The following RIMS1 variants were observed in gnomAD, a reference collection of about 807,000 sequenced individuals.
RIMS1 encodes the protein regulating synaptic membrane exocytosis 1, also known as regulating synaptic membrane exocytosis protein 1.
A neutral mutation model predicts 214.1 loss-of-function variants in RIMS1; 83 were observed. That is an observed-to-expected ratio of 0.39 (90% confidence interval 0.32 to 0.47). The LOEUF is 0.47. Among genes scored for constraint, RIMS1 ranks in the 20% least tolerant of loss-of-function variants. The probability of loss-of-function intolerance (pLI) is 0.99; values close to 1 mark genes in which losing one functional copy is unlikely to be tolerated. For synonymous variants in RIMS1, 793 were observed against 786.8 expected (o/e 1.01, Z -0.13); for missense variants, 2,050 against 2,161.8 (o/e 0.95, Z 1.03).
At chr6:72,291,578 A>G (rs2093395365) in intron 25 of RIMS1, among the ~76,000 whole-genome samples, 1 of 152,174 alleles carries the variant, frequency 6.6e-6, no homozygotes, top group Admixed American at 6.5e-5. Flanking sequence ...TCATTTATCC[A>G]TATTGTTAAG....
At position 72,301,698 on chromosome 6, in the gene RIMS1, A is replaced by G. The variant is rs903680391; in HGVS notation, c.3851-5560A>G. Among the ~76,000 whole-genome samples, 4 of 151,776 alleles carry G rather than the reference A, an allele frequency of 2.6e-5. No homozygotes were observed. In the South Asian group the frequency reaches 6.2e-4, roughly 24 times the overall value. On this transcript the variant is annotated intron_variant, in intron 26 of 33. Coordinates refer to ENST00000521978, the MANE Select transcript of RIMS1 (RefSeq NM_014989.7). ...TGACATTTTCCTTGTATTAGCTCTT[A>G]TAAGTAACCTAGAGATGAAAGTATA...
At chr6:72,169,751 CA>C (rs539535528) in intron 4 of RIMS1, among the ~76,000 whole-genome samples, 4 of 151,876 alleles carry the variant, frequency 2.6e-5, no homozygotes, top group African/African-American at 9.7e-5. Flanking sequence ...CAAAAAAACA[CA>C]AAAAAACAAA....
At chr6:72,051,435 G>T (rs1824633658) in intron 2 of RIMS1, among the ~76,000 whole-genome samples, 1 of 152,160 alleles carries the variant, frequency 6.6e-6, no homozygotes. Flanking sequence ...TGTCTTGTCT[G>T]TCCAAGGTCA....
intron 4 of RIMS1, among the ~76,000 whole-genome samples, chr6:72,169,168 C>G (rs568846939): frequency 1.3e-5 from 2 of 152,034 alleles, no homozygotes; most frequent in African/African-American, 4.8e-5. Context: ...GCAAGGTATT[C>G]TTTTTGGGTA....
intron 1 of RIMS1, among the ~76,000 whole-genome samples, chr6:71,936,339 A>AAG (rs1784448487): frequency 6.7e-6 from 1 of 150,246 alleles, no homozygotes; most frequent in Non-Finnish European, 1.5e-5. Context: ...AAAAAAAAAA[A>AAG]AAAAAAAAAA....
At chr6:72,216,086 C>T (rs79450703) in intron 6 of RIMS1, among the ~76,000 whole-genome samples, 1,695 of 152,222 alleles carry the variant, frequency 0.011, 10 homozygotes, top group Non-Finnish European at 0.017. Context: ...TTATTCATTG[C>T]TGTTTCTGGG....
Position 71,963,660 on chromosome 6 carries a change from T to G in RIMS1, c.165-5323T>G, listed in dbSNP as rs545747894. Among the ~76,000 whole-genome samples the G allele has an allele frequency of 1.3e-3, 201 of 152,320 alleles. 1 individual carries two copies. Among genetic ancestry groups the G allele is most frequent in the African/African-American group, 4.5e-3 (187 of 41,570 alleles). ...CATATTCTGTGAAATACTCTTTTTC[T>G]TGTGCAGAAAGAGAGTGAACGTTAC... On this transcript the variant is annotated intron_variant, in intron 1 of 33. Transcript: ENST00000521978.
intron 29 of RIMS1, among the ~76,000 whole-genome samples, chr6:72,339,751 G>T (rs1317594677): frequency 1.3e-5 from 2 of 152,154 alleles, no homozygotes; most frequent in East Asian, 1.9e-4. Context: ...ACGTACGTGT[G>T]CATGTGTCTT....
chr6:72,269,796 A>G (rs2082164853), intron 22 of RIMS1, among the ~76,000 whole-genome samples: 1 of 151,764 alleles, frequency 6.6e-6, no homozygotes, highest in South Asian at 2.1e-4. Flanking sequence ...AGTCTTTATT[A>G]ACTTATATCT....
intron 2 of RIMS1, among the ~76,000 whole-genome samples, chr6:72,077,417 G>T (rs6905398): frequency 4.1e-4 from 63 of 152,188 alleles, no homozygotes; most frequent in African/African-American, 1.4e-3. Context: ...GTATGCAGTA[G>T]ATGATCAATT....
intron 22 of RIMS1, among the ~76,000 whole-genome samples, chr6:72,272,976 T>C (rs1194584933): frequency 6.6e-6 from 1 of 152,212 alleles, no homozygotes; most frequent in African/African-American, 2.4e-5. Flanking sequence ...TAATGCAAAA[T>C]GTTATTTCAT....
At chr6:72,220,813 T>C (rs1161091268) in intron 6 of RIMS1, among the ~76,000 whole-genome samples, 2 of 152,104 alleles carry the variant, frequency 1.3e-5, no homozygotes, top group African/African-American at 4.8e-5. Context: ...CTCTTGACAA[T>C]AGGCTTCTTT....
At chr6:71,916,377 G>A (rs1778428300) in intron 1 of RIMS1, among the ~76,000 whole-genome samples, 1 of 152,062 alleles carries the variant, frequency 6.6e-6, no homozygotes, top group East Asian at 1.9e-4. Flanking sequence ...ATGTTACAGA[G>A]TATTTTCTCA....
intron 4 of RIMS1, among the ~76,000 whole-genome samples, chr6:72,123,990 T>C (rs2038974451): frequency 6.6e-6 from 1 of 151,862 alleles, no homozygotes; most frequent in African/African-American, 2.4e-5. Flanking sequence ...TTAATATTGT[T>C]ATGTGTGAAT....
At chr6:72,210,050 G>A (rs893440577) in intron 6 of RIMS1, among the ~76,000 whole-genome samples, 1 of 152,112 alleles carries the variant, frequency 6.6e-6, no homozygotes, top group African/African-American at 2.4e-5. Context: ...ATAGTTTGTG[G>A]TAGCTGAATC....
intron 31 of RIMS1, among the ~76,000 whole-genome samples, chr6:72,393,091 A>AG (rs2098726535): frequency 6.6e-6 from 1 of 152,000 alleles, no homozygotes. Context: ...CATGGAAAAA[A>AG]AAAAAAAAAG....
intron 2 of RIMS1, among the ~76,000 whole-genome samples, chr6:72,027,946 T>C (rs1817014956): frequency 6.6e-6 from 1 of 152,170 alleles, no homozygotes; most frequent in Admixed American, 6.5e-5. Context: ...ACATCCGTTT[T>C]CATTTCCATG....
intron 28 of RIMS1, 106 bp downstream of exon 28, chr6:72,313,778 G>A: frequency 1.8e-6 from 2 of 1,142,844 alleles, no homozygotes; most frequent in Non-Finnish European, 2.4e-6. Context: ...GTCACAGTGG[G>A]TTAAGTATTT....
chr6:72,152,321 A>G (rs1288516011), intron 4 of RIMS1, among the ~76,000 whole-genome samples: 2 of 152,216 alleles, frequency 1.3e-5, no homozygotes, highest in Non-Finnish European at 2.9e-5. Context: ...AGGTACTATC[A>G]CTATGCCTAT....
Sources: allele counts gnomAD v4.1 joint callset (sites outside exome capture counted in the v4.1 genomes callset), GRCh38; gene constraint gnomAD v4.1.1; transcripts MANE v1.5; gene names NCBI Gene and HGNC (gene_info 2026-07-23, HGNC 2026-07-21).